MS4A13: variants seen among roughly 807,000 people sequenced by gnomAD.
MS4A13 encodes the protein membrane-spanning 4-domains subfamily A member 13.
Under a neutral mutation model 18.4 loss-of-function variants are expected in MS4A13, and 21 were observed. The ratio of observed to expected loss-of-function variants is 1.14; its 90% confidence interval spans 0.81 to 1.64. The LOEUF is 1.64. MS4A13 is among the 40% of genes most tolerant of loss of function. The pLI, the probability that MS4A13 is intolerant of heterozygous loss-of-function variation, is 0.00. For synonymous variants in MS4A13, 62 were observed against 57.2 expected, an observed-to-expected ratio of 1.08 and a Z score of -0.38; for missense variants, 173 against 176.8, an observed-to-expected ratio of 0.98 and a Z score of 0.12.
intron 6 of MS4A13, among the ~76,000 whole-genome samples, 163 bp from the exon 7 acceptor site, chr11:60,542,352 GAAGA>G (rs1394561654): frequency 6.6e-6 from 1 of 151,856 alleles, no homozygotes; most frequent in Non-Finnish European, 1.5e-5. Flanking sequence ...AGAAAGAAAG[GAAGA>G]AAGAAATAAG....
chr11:60,515,844 G>T lies in MS4A13; in HGVS notation c.-128-125G>T, dbSNP rs538631638. 4.6e-5 allele frequency: 7 copies of T among 152,322 alleles called. No individual in the cohort carries two copies. The East Asian group carries it at 1.2e-3, about 25-fold the overall frequency. 9.4% of individuals were successfully genotyped at this position (152,322 alleles called of 1,614,324 possible). On this transcript the variant is annotated intron_variant, in intron 1 of 6. Coordinates refer to ENST00000378186, the MANE Select transcript of MS4A13 (RefSeq NM_001012417.3). ...TTGATGCCTCTAATATTAAGGCCTA[G>T]AAAGAAGAAAGAAGGCTATTGCTTC...
intron 3 of MS4A13, among the ~76,000 whole-genome samples, chr11:60,520,900 G>A (rs2086669574): frequency 1.3e-5 from 2 of 152,354 alleles, no homozygotes; most frequent in African/African-American, 2.4e-5. Context: ...CCCCGCCCCT[G>A]CAGCAAACTT....
chr11:60,540,318 A>C lies in MS4A13; in HGVS notation c.403-2201A>C, dbSNP rs562500807. On this transcript the variant is annotated intron_variant, in intron 6 of 6. Coordinates refer to ENST00000378186, the MANE Select transcript of MS4A13 (RefSeq NM_001012417.3). ...GGGCTAGATTTGGTCCATGTATCATAGCTTGCCAACCCTTCTTCAATAGAC... is the reference window on the plus strand; with the variant it reads ...GGGCTAGATTTGGTCCATGTATCATCGCTTGCCAACCCTTCTTCAATAGAC... Among the ~76,000 whole-genome samples, 7 of 152,348 alleles carry C rather than the reference A, an allele frequency of 4.6e-5. No homozygotes were observed. In the South Asian group the frequency reaches 1.4e-3, roughly 32 times the overall value.
chr11:60,539,253 T>A (rs963254291), intron 6 of MS4A13, among the ~76,000 whole-genome samples: 1 of 149,082 alleles, frequency 6.7e-6, no homozygotes, highest in African/African-American at 2.5e-5. Flanking sequence ...ATGGCAACAA[T>A]GATTCATCAA....
At chr11:60,527,299 C>G (rs2086719767) in intron 5 of MS4A13, among the ~76,000 whole-genome samples, 1 of 151,156 alleles carries the variant, frequency 6.6e-6, no homozygotes, top group Non-Finnish European at 1.5e-5. Context: ...GGGTCACTTA[C>G]TTTACTTAAG....
rs1011928647 is a variant in MS4A13, at chr11:60,517,195, C to A, written c.-12-877C>A. On this transcript the variant is annotated intron_variant, in intron 2 of 6. Transcript: ENST00000378186. ...AAGAGACTTTTTCTTAAAAAAAAAA[C>A]AAAACTTCTCCAAAATGTATTTTTT... 7.5e-5 allele frequency among the ~76,000 whole-genome samples: 11 copies of A among 146,840 alleles called. 1 individual carries two copies. In the South Asian group the frequency reaches 1.1e-3, roughly 15 times the overall value.
rs540652347 is a variant in MS4A13, at chr11:60,525,388, A to C, written c.306+62A>C. The C allele has an allele frequency of 3.1e-5, 37 of 1,203,756 alleles. No individual in the cohort carries two copies. The South Asian group carries it at 5.8e-4, about 19-fold the overall frequency. 74.6% of individuals were successfully genotyped at this position (1,203,756 alleles called of 1,614,324 possible). A position where few individuals can be genotyped will look rare whatever the true frequency, so the allele number is the denominator to read the frequency against. Reference sequence around the variant, plus strand: ...AAATTATTCTTTTTAATAATTTTGAAATCTTAGGAGGTAAGATGAGGCTTT... The same window carrying C: ...AAATTATTCTTTTTAATAATTTTGACATCTTAGGAGGTAAGATGAGGCTTT... On this transcript the variant is annotated intron_variant, in intron 5 of 6. Transcript: ENST00000378186.
At chr11:60,521,596 A>G (rs1000142860) in intron 3 of MS4A13, among the ~76,000 whole-genome samples, 18 of 152,300 alleles carry the variant, frequency 1.2e-4, no homozygotes, top group African/African-American at 4.3e-4. Context: ...CTCATCTTCC[A>G]TCTGAGACCA....
chr11:60,529,438 C>G lies in MS4A13; in HGVS notation c.380C>G (p.Ser127Ter). 6.2e-7 allele frequency: 1 copy of G among 1,603,990 alleles called. No individual in the cohort carries two copies. Among genetic ancestry groups the G allele is most frequent in the African/African-American group, 1.3e-5 (1 of 74,582 alleles). Reference sequence around the variant, plus strand: ...GAATTTTCTATTGCACTTACACACTCAATATACAGCTGTTCCAATTTGGTA... The same window carrying G: ...GAATTTTCTATTGCACTTACACACTGAATATACAGCTGTTCCAATTTGGTA... The part of the protein sequence containing the change: ...GLEFSIALTH[S>*]IYSCSNLFRR... The change falls in exon 6 of 7, where the codon TCA becomes TGA. Residue 127 changes from serine (S) to a stop codon, truncating the protein, a stop_gained. Transcript: ENST00000378186. LOFTEE classifies it low-confidence loss of function (END_TRUNC).
At chr11:60,530,063 A>C (rs954893152) in intron 6 of MS4A13, among the ~76,000 whole-genome samples, 5 of 152,246 alleles carry the variant, frequency 3.3e-5, no homozygotes, top group African/African-American at 7.2e-5. Context: ...ACAACATCCC[A>C]AAATGCTATA....
Position 60,523,925 on chromosome 11 carries a change from GAGT to G in MS4A13, c.160_162del (p.Val54del), listed in dbSNP as rs770349703. 6.5e-7 allele frequency: 1 copy of G among 1,546,536 alleles called. No individual in the cohort carries two copies. Among genetic ancestry groups the G allele is most frequent in the Non-Finnish European group, 8.9e-7 (1 of 1,119,110 alleles). Reference sequence around the variant, plus strand: ...ATCATTGCAGGAGTCTTCCTAATAAGAGTAACAAAGTATCCGACTCGATCTGGA... The same window carrying G: ...ATCATTGCAGGAGTCTTCCTAATAAGAACAAAGTATCCGACTCGATCTGGA... On this transcript the variant is annotated inframe_deletion, in exon 4 of 7. Coordinates refer to ENST00000378186, the MANE Select transcript of MS4A13 (RefSeq NM_001012417.3).
At chr11:60,517,535 T>A (rs146517032) in intron 2 of MS4A13, among the ~76,000 whole-genome samples, 1 of 152,306 alleles carries the variant, frequency 6.6e-6, no homozygotes, top group East Asian at 1.9e-4. Context: ...TTTTGGATAT[T>A]TTCTGTATTG....
intron 3 of MS4A13, 70 bp from the exon 4 acceptor site, chr11:60,523,827 G>A: frequency 1.1e-6 from 1 of 889,548 alleles, no homozygotes; most frequent in Middle Eastern, 3.2e-4. Context: ...TTACAAGAGA[G>A]TTATTAAAAG....
chr11:60,542,617 G>C lies in MS4A13; in HGVS notation c.*42G>C. ...AGAATTTTGCTGTTGCTGATGCCTG[G>C]TGTGGGTCCTAATGATATCTCTGTA... On this transcript the variant is annotated 3_prime_UTR_variant, in exon 7 of 7. Coordinates refer to ENST00000378186, the MANE Select transcript of MS4A13 (RefSeq NM_001012417.3). The C allele has an allele frequency of 2.3e-6, 3 of 1,303,746 alleles. No individual in the cohort carries two copies. In the Admixed American group the frequency reaches 5.2e-5, roughly 23 times the overall value. 80.8% of individuals were successfully genotyped at this position (1,303,746 alleles called of 1,614,324 possible).
Position 60,540,822 on chromosome 11 carries a change from C to T in MS4A13, c.403-1697C>T, listed in dbSNP as rs148048365. 1.6e-4 allele frequency among the ~76,000 whole-genome samples: 25 copies of T among 151,960 alleles called. 1 individual carries two copies. The highest frequency in any genetic ancestry group is 2.8e-4 in the Non-Finnish European group (19 of 67,964). On this transcript the variant is annotated intron_variant, in intron 6 of 6. Coordinates refer to ENST00000378186, the MANE Select transcript of MS4A13 (RefSeq NM_001012417.3). ...TAAAAACACTAGCTATGCATAGTGC[C>T]ACATGCCTGTGGTCCCAGCTACTTA...
intron 3 of MS4A13, among the ~76,000 whole-genome samples, chr11:60,519,727 A>C (rs930657224): frequency 1.3e-5 from 2 of 152,226 alleles, no homozygotes; most frequent in Non-Finnish European, 2.9e-5. Context: ...AACTATAATA[A>C]AACAAGAAAG....
At chr11:60,530,971 A>T (rs1200856546) in intron 6 of MS4A13, among the ~76,000 whole-genome samples, 2 of 152,162 alleles carry the variant, frequency 1.3e-5, no homozygotes, top group African/African-American at 4.8e-5. Flanking sequence ...AGGTCTCCCA[A>T]GCCATGTGGA....
chr11:60,523,077 G>C (rs1375456859), intron 3 of MS4A13, among the ~76,000 whole-genome samples: 1 of 152,150 alleles, frequency 6.6e-6, no homozygotes, highest in Non-Finnish European at 1.5e-5. Flanking sequence ...TTCTGAGCTA[G>C]TTCTTACGTT....
rs1164234807 is a variant in MS4A13, at chr11:60,518,101, C to T, written c.18C>T (p.His6=). MIGIF[H]IFMWYFLLVL... The stretch of plus-strand genomic sequence containing the variant: ...TCCAGATTATGATTGGCATCTTTCA[C>T]ATTTTCATGTGGTACTTTCTATTGG... The change falls in exon 3 of 7, where the codon CAC becomes CAT. Residue 6 remains histidine, a synonymous_variant. Transcript: ENST00000378186. 12 of 1,602,200 alleles carry T rather than the reference C, an allele frequency of 7.5e-6. No homozygotes were observed. Among genetic ancestry groups the T allele is most frequent in the Middle Eastern group, 1.7e-4 (1 of 6,044 alleles).
Sources: gnomAD v4.1 joint callset for allele counts (sites outside exome capture counted in the v4.1 genomes callset) on GRCh38, gnomAD v4.1.1 for gene constraint, MANE v1.5 for transcripts, NCBI Gene and HGNC (gene_info 2026-07-23, HGNC 2026-07-21) for gene names.